Variants in RBM27 observed in about 807,000 individuals in gnomAD.
RBM27 encodes the protein RNA binding motif protein 27.
A neutral mutation model predicts 135.3 loss-of-function variants in RBM27; 22 were observed. The observed-to-expected ratio is 0.16, with a 90% CI of 0.12 to 0.23. The LOEUF (loss-of-function observed/expected upper bound fraction) is 0.23. Among genes scored for constraint, RBM27 ranks in the 10% least tolerant of loss-of-function variants. RBM27 has a pLI of 1.00. For synonymous variants in RBM27, 481 were observed against 442.4 expected, an observed-to-expected ratio of 1.09 and a Z score of -1.10; for missense variants, 1,009 against 1,281.0, an observed-to-expected ratio of 0.79 and a Z score of 3.24.
chr5:146,243,137 G>A (rs1757477976), intron 8 of RBM27, among the ~76,000 whole-genome samples: 1 of 151,670 alleles, frequency 6.6e-6, no homozygotes, highest in African/African-American at 2.4e-5. Context: ...GTGGTGGTGG[G>A]CGCCTGTAAT....
intron 15 of RBM27, among the ~76,000 whole-genome samples, chr5:146,268,363 C>T (rs574342307): frequency 6.6e-6 from 1 of 152,100 alleles, no homozygotes; most frequent in Admixed American, 6.6e-5. Flanking sequence ...CTGCCTCAGC[C>T]TCCAGAGTAG....
rs773860623 is a variant in RBM27 at position 146,218,977 on chromosome 5, C to CT, written c.60-7dup. The CT allele has an allele frequency of 4.5e-6, 7 of 1,554,660 alleles. No individual in the cohort carries two copies. The African/African-American group carries it at 9.7e-5, about 22-fold the overall frequency. The stretch of plus-strand genomic sequence containing the variant: ...TTTAAAATTTTTGTTTTCTCTTTGT[C>CT]TAACTAGATGTGATGCTGATCCTTC... On this transcript the variant is annotated splice_region_variant and splice_polypyrimidine_tract_variant and intron_variant, in intron 1 of 20. Coordinates refer to ENST00000265271, the MANE Select transcript of RBM27 (RefSeq NM_018989.2).
At chr5:146,223,592 G>C in intron 3 of RBM27, 65 bp downstream of exon 3, 1 of 1,519,830 alleles carries the variant, frequency 6.6e-7, no homozygotes, top group Non-Finnish European at 8.8e-7. Context: ...ATCCTTAGTT[G>C]GAAGTTGAGC....
intron 10 of RBM27, among the ~76,000 whole-genome samples, chr5:146,257,327 T>A (rs1210167588): frequency 6.6e-6 from 1 of 152,254 alleles, no homozygotes; most frequent in Admixed American, 6.5e-5. Context: ...CACGTCTTCC[T>A]ACCCACAGGT....
intron 8 of RBM27, among the ~76,000 whole-genome samples, chr5:146,243,264 C>G (rs1757485798): frequency 3.3e-5 from 5 of 151,784 alleles, no homozygotes. Flanking sequence ...GAAACGCCAT[C>G]TCAAAAAAAT....
intron 3 of RBM27, among the ~76,000 whole-genome samples, chr5:146,228,166 CT>C (rs1756756727): frequency 6.6e-6 from 1 of 151,544 alleles, no homozygotes; most frequent in Non-Finnish European, 1.5e-5. Flanking sequence ...TTGCCTGACT[CT>C]TTTGGCTATG....
intron 19 of RBM27, among the ~76,000 whole-genome samples, chr5:146,274,827 T>C (rs1033086805): frequency 2.0e-5 from 3 of 151,958 alleles, no homozygotes; most frequent in South Asian, 2.1e-4. Context: ...AATATATTAA[T>C]AGTATGTATC....
chr5:146,261,619 G>A lies in RBM27; in HGVS notation c.2003G>A (p.Arg668Gln), dbSNP rs1758399924. ...GCAGTTCTAAACAACCGATTCATTC[G>A]AGTCTTGTGGCATAGGGAAAATAAT... ...TEAVLNNRFI[R>Q]VLWHRENNEQ... The change falls in exon 13 of 21, where the codon CGA becomes CAA. Residue 668 changes from arginine (R) to glutamine (Q), a missense_variant. By Grantham distance (43) the Arg-to-Gln change is conservative (BLOSUM62 1). This residue lies in a region of RBM27 where 34 missense variants were observed against 82.8 expected (regional missense o/e 0.41). Coordinates refer to ENST00000265271, the MANE Select transcript of RBM27 (RefSeq NM_018989.2). 1.9e-6 allele frequency: 3 copies of A among 1,614,010 alleles called. No homozygotes were observed. The highest frequency in any genetic ancestry group is 2.7e-5 in the African/African-American group (2 of 74,906).
chr5:146,243,141 C>T (rs1757478287), intron 8 of RBM27, among the ~76,000 whole-genome samples: 1 of 151,880 alleles, frequency 6.6e-6, no homozygotes, highest in Non-Finnish European at 1.5e-5. Flanking sequence ...TGGTGGGCGC[C>T]TGTAATCCCA....
chr5:146,239,679 T>A (rs1320015498), intron 8 of RBM27, among the ~76,000 whole-genome samples: 1 of 151,688 alleles, frequency 6.6e-6, no homozygotes, highest in African/African-American at 2.4e-5. Context: ...GGGGTTTTGT[T>A]ATGTTGGCTA....
chr5:146,233,328 G>T, intron 6 of RBM27, 122 bp from the exon 7 acceptor site: 3 of 1,441,894 alleles, frequency 2.1e-6, no homozygotes, highest in Middle Eastern at 2.4e-4. Flanking sequence ...CTGAGACTTT[G>T]GATTCCTTGG....
At chr5:146,226,028 A>ATT (rs11291937) in intron 3 of RBM27, among the ~76,000 whole-genome samples, 27,839 of 130,746 alleles carry the variant, frequency 0.21, 3,612 homozygotes, top group Admixed American at 0.33. Flanking sequence ...AGCCTGCCTA[A>ATT]TTTTTTTTTT....
chr5:146,233,616 A>C lies in RBM27; in HGVS notation c.1017A>C (p.Pro339=). The change falls in exon 7 of 21, where the codon CCA becomes CCC. Residue 339 remains proline (P), a synonymous_variant. Transcript: ENST00000265271. ...PGMLMPPMPG[P]GPGPGPGPGP... is the part of the protein sequence containing the mutation. ...TGTTAATGCCTCCAATGCCAGGTCC[A>C]GGCCCAGGCCCGGGCCCAGGTCCAG... 1 of 1,601,472 alleles carries C rather than the reference A, an allele frequency of 6.2e-7. No homozygotes were observed. The highest frequency in any genetic ancestry group is 2.3e-5 in the East Asian group (1 of 44,330).
Position 146,203,647 on chromosome 5 carries a change from C to A in RBM27, c.-119C>A, listed in dbSNP as rs1755479550. ...GGCCGGGGGAGTAGGTTGAAGTCTC[C>A]TAAGATGCCCGGTGGGCTGGGGCAC... On this transcript the variant is annotated 5_prime_UTR_variant, in exon 1 of 21. Coordinates refer to ENST00000265271, the MANE Select transcript of RBM27 (RefSeq NM_018989.2). 1.1e-6 allele frequency: 1 copy of A among 943,552 alleles called. No homozygotes were observed. Among genetic ancestry groups the A allele is most frequent in the Non-Finnish European group, 1.7e-6 (1 of 605,810 alleles). The allele number at this position is 943,552 out of a possible 1,614,324, so 58.4% of individuals were successfully genotyped here.
At chr5:146,263,702 T>C in intron 14 of RBM27, 71 bp downstream of exon 14, 1 of 1,531,362 alleles carries the variant, frequency 6.5e-7, no homozygotes, top group Non-Finnish European at 8.9e-7. Flanking sequence ...TCAGTTATCA[T>C]TCAGACAGTG....
At chr5:146,249,626 G>A (rs1331214825) in intron 8 of RBM27, among the ~76,000 whole-genome samples, 2 of 144,916 alleles carry the variant, frequency 1.4e-5, no homozygotes, top group African/African-American at 2.6e-5. Flanking sequence ...GGCAGAGGTC[G>A]CCGTGAGCCC....
chr5:146,277,186 T>C (rs1759126853), intron 19 of RBM27, among the ~76,000 whole-genome samples: 1 of 152,188 alleles, frequency 6.6e-6, no homozygotes, highest in Admixed American at 6.5e-5. Flanking sequence ...ATTCAAACAA[T>C]ACAAATTATA....
intron 8 of RBM27, among the ~76,000 whole-genome samples, chr5:146,239,775 CTT>C (rs754481130): frequency 2.7e-4 from 32 of 119,374 alleles, no homozygotes; most frequent in Admixed American, 6.4e-4. Flanking sequence ...CACGCCTGGA[CTT>C]TTTTTTTTTT....
intron 1 of RBM27, among the ~76,000 whole-genome samples, chr5:146,212,205 G>C (rs185631626): frequency 6.6e-6 from 1 of 152,012 alleles, no homozygotes; most frequent in Admixed American, 6.6e-5. Flanking sequence ...ACAGGCACGC[G>C]CCACCACGCC....
Sources: allele counts gnomAD v4.1 joint callset (sites outside exome capture counted in the v4.1 genomes callset), GRCh38; gene constraint gnomAD v4.1.1; regional missense constraint gnomAD v4.1.1; transcripts MANE v1.5; gene names NCBI Gene and HGNC (gene_info 2026-07-23, HGNC 2026-07-21).